FHIT: variants seen among roughly 807,000 people sequenced by gnomAD.
FHIT encodes fragile histidine triad diadenosine triphosphatase.
Under a neutral mutation model 17.9 loss-of-function variants are expected in FHIT, and 19 were observed. That is an observed-to-expected ratio of 1.06 (90% confidence interval 0.74 to 1.56). FHIT has a LOEUF of 1.56. FHIT is among the 40% of genes most tolerant of loss of function. FHIT has a pLI of 0.00. For missense variants in FHIT, 248 were observed against 189.2 expected (o/e 1.31, Z -1.82); for synonymous variants, 81 against 69.7 (o/e 1.16, Z -0.81).
chr3:60,890,604 A>T (rs1423772660), intron 3 of FHIT, among the ~76,000 whole-genome samples: 2 of 152,216 alleles, frequency 1.3e-5, no homozygotes, highest in Non-Finnish European at 2.9e-5. Context: ...TACAATAATT[A>T]AACATTTTCT....
intron 8 of FHIT, among the ~76,000 whole-genome samples, chr3:59,876,269 A>G (rs1002440087): frequency 3.3e-5 from 5 of 152,224 alleles, no homozygotes; most frequent in Admixed American, 1.3e-4. Context: ...ATAGGGAGCT[A>G]TGATCTTAAA....
At chr3:60,120,139 C>A (rs1457172402) in intron 5 of FHIT, among the ~76,000 whole-genome samples, 1 of 152,198 alleles carries the variant, frequency 6.6e-6, no homozygotes, top group African/African-American at 2.4e-5. Flanking sequence ...AAATCAATTT[C>A]TCCCATCTCA....
intron 3 of FHIT, among the ~76,000 whole-genome samples, chr3:60,865,448 A>T (rs1553753641): frequency 6.6e-6 from 1 of 152,242 alleles, no homozygotes; most frequent in African/African-American, 2.4e-5. Flanking sequence ...ACTTATTTAG[A>T]TAAAAGTAGT....
intron 4 of FHIT, among the ~76,000 whole-genome samples, chr3:60,648,002 A>G (rs928631938): frequency 5.3e-5 from 8 of 152,316 alleles, no homozygotes; most frequent in Middle Eastern, 3.4e-3. Context: ...ATAAGACACA[A>G]AAGTCCTGAT....
chr3:60,853,457 T>C (rs1193937926), intron 3 of FHIT, among the ~76,000 whole-genome samples: 3 of 152,092 alleles, frequency 2.0e-5, no homozygotes, highest in Non-Finnish European at 1.5e-5. Context: ...TCCTCTTTTA[T>C]GGATCCTAGC....
chr3:61,215,168 C>T (rs1222951578), intron 1 of FHIT, among the ~76,000 whole-genome samples: 1 of 151,914 alleles, frequency 6.6e-6, no homozygotes, highest in Non-Finnish European at 1.5e-5. Flanking sequence ...GGCAATCAGG[C>T]AGGAGAAGGA....
At chr3:61,045,445 T>A (rs1212233696) in intron 2 of FHIT, among the ~76,000 whole-genome samples, 1 of 152,204 alleles carries the variant, frequency 6.6e-6, no homozygotes, top group African/African-American at 2.4e-5. Context: ...CTAACTATCC[T>A]AAATATATAT....
In FHIT at chr3:60,569,734, T is replaced by TATATATATATATAC. The variant is rs1553654731; in HGVS notation, c.-17-32756_-17-32755insGTATATATATATAT. On this transcript the variant is annotated intron_variant, in intron 4 of 9. Coordinates refer to ENST00000492590, the MANE Select transcript of FHIT (RefSeq NM_002012.4). ...TATTTATTTATTAATACTATATATA[T>TATATATATATATAC]ATATATATATATATATATATATTTT... is the stretch of plus-strand genomic sequence containing the variant. Among the ~76,000 whole-genome samples, 346 of 44,058 alleles carry TATATATATATATAC rather than the reference T, an allele frequency of 7.9e-3. 3 individuals carry two copies. The highest frequency in any genetic ancestry group is 0.02 in the South Asian group (16 of 784). The allele number at this position is 44,058 out of a possible 152,430, so 28.9% of individuals were successfully genotyped here. A position where few individuals can be genotyped will look rare whatever the true frequency, so the allele number is the denominator to read the frequency against.
intron 1 of FHIT, among the ~76,000 whole-genome samples, chr3:61,222,542 T>C (rs2039867848): frequency 6.6e-6 from 1 of 152,136 alleles, no homozygotes; most frequent in South Asian, 2.1e-4. Flanking sequence ...TTCTGAGTGA[T>C]ATTCAGCCAC....
intron 4 of FHIT, among the ~76,000 whole-genome samples, chr3:60,639,460 A>G (rs553699907): frequency 6.6e-6 from 1 of 152,300 alleles, no homozygotes; most frequent in South Asian, 2.1e-4. Context: ...TTGGGGAGAC[A>G]AAATTGCAAT....
At chr3:59,772,329 G>A (rs1202045135) in intron 8 of FHIT, among the ~76,000 whole-genome samples, 3 of 152,172 alleles carry the variant, frequency 2.0e-5, no homozygotes, top group Non-Finnish European at 2.9e-5. Flanking sequence ...AAATCACCCC[G>A]GTTTGCCTCA....
intron 4 of FHIT, among the ~76,000 whole-genome samples, chr3:60,596,626 C>T (rs374249546): frequency 3.9e-5 from 6 of 152,116 alleles, no homozygotes; most frequent in African/African-American, 1.2e-4. Flanking sequence ...GGAATCTGCA[C>T]CCCTGTATTC....
intron 8 of FHIT, among the ~76,000 whole-genome samples, chr3:59,906,651 T>C (rs1413015367): frequency 2.0e-5 from 3 of 152,224 alleles, no homozygotes; most frequent in Non-Finnish European, 4.4e-5. Context: ...TTTTCGTATC[T>C]GATTAATTAT....
chr3:60,660,992 T>A (rs2040234831), intron 4 of FHIT, among the ~76,000 whole-genome samples: 1 of 152,108 alleles, frequency 6.6e-6, no homozygotes, highest in Non-Finnish European at 1.5e-5. Flanking sequence ...AATCTAGCAA[T>A]TCTCCTTTTG....
chr3:59,932,662 C>A (rs1706032039), intron 7 of FHIT, among the ~76,000 whole-genome samples: 1 of 151,692 alleles, frequency 6.6e-6, no homozygotes, highest in South Asian at 2.1e-4. Flanking sequence ...GTTGAGAGAA[C>A]TCCTCCCTTT....
intron 3 of FHIT, among the ~76,000 whole-genome samples, chr3:60,884,366 A>G (rs782424691): frequency 3.3e-5 from 5 of 152,300 alleles, no homozygotes; most frequent in East Asian, 1.9e-4. Context: ...TGCTGGGTAT[A>G]TATCTGAAAG....
At chr3:60,225,130 G>A (rs942734165) in intron 5 of FHIT, among the ~76,000 whole-genome samples, 1 of 152,070 alleles carries the variant, frequency 6.6e-6, no homozygotes, top group Non-Finnish European at 1.5e-5. Flanking sequence ...TTTTGTGTTC[G>A]TCTCTCTTAC....
At chr3:61,120,334 C>T (rs1203490515) in intron 2 of FHIT, among the ~76,000 whole-genome samples, 1 of 152,206 alleles carries the variant, frequency 6.6e-6, no homozygotes, top group Admixed American at 6.5e-5. Flanking sequence ...TTAGACATGT[C>T]TTGGGCATGT....
chr3:60,235,056 A>G (rs9841314), intron 5 of FHIT, among the ~76,000 whole-genome samples: 58,721 of 151,848 alleles, frequency 0.39, 11,468 homozygotes, highest in Admixed American at 0.43. Context: ...GTTACATGGA[A>G]TAAGAGAGAG....
Sources: gnomAD v4.1 joint callset for allele counts (sites outside exome capture counted in the v4.1 genomes callset) on GRCh38, gnomAD v4.1.1 for gene constraint, MANE v1.5 for transcripts, NCBI Gene and HGNC (gene_info 2026-07-23, HGNC 2026-07-21) for gene names.